Variants in AP3B1 observed in about 807,000 individuals in gnomAD.
AP3B1 encodes the protein adaptor related protein complex 3 subunit beta 1.
AP3B1 carries 61 observed loss-of-function variants against 132.5 expected under a neutral mutation model. That is an observed-to-expected ratio of 0.46 (90% confidence interval 0.37 to 0.57). The LOEUF is 0.57. Ranked by LOEUF, AP3B1 falls within the 20% of genes least tolerant of loss-of-function variation. AP3B1 has a pLI of 0.00. For synonymous variants in AP3B1, 388 were observed against 438.3 expected, an observed-to-expected ratio of 0.89 and a Z score of 1.43; for missense variants, 1,120 against 1,289.4, an observed-to-expected ratio of 0.87 and a Z score of 2.01.
chr5:78,078,888 G>T (rs558780494), intron 22 of AP3B1, among the ~76,000 whole-genome samples: 11 of 152,288 alleles, frequency 7.2e-5, no homozygotes, highest in Non-Finnish European at 1.2e-4. Flanking sequence ...ATGTTAGAAT[G>T]CAAATATCTA....
intron 14 of AP3B1, among the ~76,000 whole-genome samples, chr5:78,150,789 T>C (rs1753613930): frequency 6.6e-6 from 1 of 152,152 alleles, no homozygotes; most frequent in African/African-American, 2.4e-5. Context: ...TTTTTTTACA[T>C]AATTTCAGAC....
At chr5:78,139,038 G>GAA (rs11288219) in intron 15 of AP3B1, among the ~76,000 whole-genome samples, 7 of 93,300 alleles carry the variant, frequency 7.5e-5, no homozygotes, top group Non-Finnish European at 1.1e-4. Context: ...TAGAGATCAA[G>GAA]AAAAAAAAAA....
intron 22 of AP3B1, among the ~76,000 whole-genome samples, chr5:78,065,204 T>A (rs1749234632): frequency 6.6e-6 from 1 of 151,946 alleles, no homozygotes; most frequent in African/African-American, 2.4e-5. Context: ...GATCAGAAGA[T>A]CCCCTCGTGA....
intron 1 of AP3B1, among the ~76,000 whole-genome samples, chr5:78,268,818 G>A (rs1420964017): frequency 1.3e-5 from 2 of 152,176 alleles, no homozygotes; most frequent in Non-Finnish European, 2.9e-5. Flanking sequence ...AATATAGGAA[G>A]AGAAACTAAT....
intron 18 of AP3B1, among the ~76,000 whole-genome samples, chr5:78,115,852 T>C (rs559419403): frequency 6.6e-6 from 1 of 152,310 alleles, no homozygotes; most frequent in African/African-American, 2.4e-5. Context: ...ATATTAGGCA[T>C]TGTGGTTTAG....
intron 3 of AP3B1, among the ~76,000 whole-genome samples, chr5:78,233,877 G>T (rs937827457): frequency 2.0e-5 from 3 of 152,046 alleles, no homozygotes; most frequent in Non-Finnish European, 4.4e-5. Flanking sequence ...GGCCTATGAT[G>T]GCAGTCCGCA....
Position 78,162,530 on chromosome 5 carries a change from G to A in AP3B1, c.1363+289C>T, listed in dbSNP as rs1409251550. ...TAAAATGCAGTAAAAAGGTGGAAAA[G>A]ATACAATCAAGGTGATTAAATTGTA... is the stretch of plus-strand genomic sequence containing the variant. On this transcript the variant is annotated intron_variant, in intron 13 of 26. Transcript: ENST00000255194. 2.0e-5 allele frequency among the ~76,000 whole-genome samples: 3 copies of A among 151,914 alleles called. No individual in the cohort carries two copies. The East Asian group carries it at 5.8e-4, about 29-fold the overall frequency.
intron 14 of AP3B1, among the ~76,000 whole-genome samples, chr5:78,151,610 A>G (rs1753652652): frequency 6.6e-6 from 1 of 152,172 alleles, no homozygotes; most frequent in South Asian, 2.1e-4. Flanking sequence ...AATTGAAATC[A>G]TCATATGTTT....
At chr5:78,055,016 GACACAC>G (rs3050076) in intron 22 of AP3B1, among the ~76,000 whole-genome samples, 6,107 of 144,618 alleles carry the variant, frequency 0.042, 133 homozygotes, top group African/African-American at 0.055. Flanking sequence ...CAGACCTACA[GACACAC>G]ACACACACAC....
intron 14 of AP3B1, among the ~76,000 whole-genome samples, chr5:78,147,830 T>G (rs950529265): frequency 6.6e-6 from 1 of 152,152 alleles, no homozygotes; most frequent in Non-Finnish European, 1.5e-5. Flanking sequence ...GGTCAGGAGT[T>G]TGAGACCAGC....
chr5:78,233,295 A>G (rs6453378), intron 3 of AP3B1, among the ~76,000 whole-genome samples: 54,783 of 149,266 alleles, frequency 0.37, 10,294 homozygotes, highest in African/African-American at 0.45. Flanking sequence ...GTGCAATGGC[A>G]TGATCTCAGC....
chr5:78,154,025 T>C (rs1407738036), intron 14 of AP3B1, among the ~76,000 whole-genome samples: 1 of 152,232 alleles, frequency 6.6e-6, no homozygotes, highest in African/African-American at 2.4e-5. Context: ...TCTGTGTACA[T>C]ACTATTACCA....
At chr5:78,281,946 T>C (rs1022165969) in intron 1 of AP3B1, among the ~76,000 whole-genome samples, 1 of 152,158 alleles carries the variant, frequency 6.6e-6, no homozygotes, top group Non-Finnish European at 1.5e-5. Flanking sequence ...TTCAGGTGTA[T>C]TTTACCATAA....
Position 78,259,288 on chromosome 5 carries a change from T to C in AP3B1, c.204+8232A>G, listed in dbSNP as rs566454758. ...AAGAAAGAAAGACAAACATTTCATG[T>C]TCTCACTTACTTGTGGGGTCTAAAA... On this transcript the variant is annotated intron_variant, in intron 2 of 26. Transcript: ENST00000255194. Among the ~76,000 whole-genome samples the C allele has an allele frequency of 5.1e-4, 77 of 151,520 alleles. 1 individual carries two copies. The highest frequency in any genetic ancestry group is 1.6e-3 in the African/African-American group (67 of 41,348).
chr5:78,034,219 G>A (rs1747700726), intron 24 of AP3B1, 142 bp downstream of exon 24: 1 of 698,770 alleles, frequency 1.4e-6, no homozygotes. Context: ...ACTATTCCAA[G>A]GCAGTCTAAA....
In AP3B1 at chr5:78,175,483, G is replaced by A. The variant is rs113548642; in HGVS notation, c.1167+143C>T. 4.5e-3 allele frequency: 2,995 copies of A among 669,194 alleles called. 68 individuals carry two copies. In the African/African-American group the frequency reaches 0.048, roughly 11 times the overall value. 41.5% of individuals were successfully genotyped at this position (669,194 alleles called of 1,614,324 possible). A position where few individuals can be genotyped will look rare whatever the true frequency, so the allele number is the denominator to read the frequency against. The stretch of plus-strand genomic sequence containing the variant: ...ACAGTAATTAGTATATAATAATATA[G>A]ATTGAAAAGTATAAAGAAAAACCAT... On this transcript the variant is annotated intron_variant, in intron 11 of 26. Coordinates refer to ENST00000255194, the MANE Select transcript of AP3B1 (RefSeq NM_003664.5).
intron 22 of AP3B1, among the ~76,000 whole-genome samples, chr5:78,074,244 G>T (rs1197273134): frequency 6.6e-6 from 1 of 152,066 alleles, no homozygotes; most frequent in East Asian, 1.9e-4. Flanking sequence ...TACCTCAGAA[G>T]TAGCATAGAA....
intron 7 of AP3B1, among the ~76,000 whole-genome samples, chr5:78,210,513 G>A (rs544398101): frequency 6.6e-6 from 1 of 152,208 alleles, no homozygotes; most frequent in South Asian, 2.1e-4. Context: ...TACAGAGAGA[G>A]ACAAAATTAA....
intron 1 of AP3B1, among the ~76,000 whole-genome samples, chr5:78,289,922 T>C (rs1749440414): frequency 6.6e-6 from 1 of 152,230 alleles, no homozygotes; most frequent in African/African-American, 2.4e-5. Flanking sequence ...GCAAATCTTC[T>C]GGTTTCTACA....
Sources: gnomAD v4.1 joint callset for allele counts (sites outside exome capture counted in the v4.1 genomes callset) on GRCh38, gnomAD v4.1.1 for gene constraint, MANE v1.5 for transcripts, NCBI Gene and HGNC (gene_info 2026-07-23, HGNC 2026-07-21) for gene names.